Variants in PTBP2 observed in about 807,000 individuals in gnomAD.
The protein encoded by PTBP2 is polypyrimidine tract binding protein 2.
Under a neutral mutation model 61.4 loss-of-function variants are expected in PTBP2, and 13 were observed. That is an observed-to-expected ratio of 0.21 (90% CI 0.14 to 0.34). PTBP2 has a LOEUF of 0.34. PTBP2 is among the 10% of genes least tolerant of loss of function. The probability of loss-of-function intolerance (pLI) is 1.00; values close to 1 mark genes in which losing one functional copy is unlikely to be tolerated. For synonymous variants in PTBP2, 215 were observed against 218.5 expected, an observed-to-expected ratio of 0.98 and a Z score of 0.14; for missense variants, 405 against 642.6, an observed-to-expected ratio of 0.63 and a Z score of 4.00.
At chr1:96,774,679 G>T (rs1017349420) in intron 5 of PTBP2, among the ~76,000 whole-genome samples, 2 of 152,086 alleles carry the variant, frequency 1.3e-5, no homozygotes, top group Non-Finnish European at 2.9e-5. Context: ...TACTACGACA[G>T]TTCTCTTTAT....
intron 2 of PTBP2, among the ~76,000 whole-genome samples, chr1:96,748,565 G>C (rs1386106844): frequency 2.0e-5 from 3 of 152,068 alleles, no homozygotes; most frequent in African/African-American, 7.2e-5. Context: ...AAAAGTTTCT[G>C]TGGTCAGATT....
chr1:96,729,501 C>G (rs961634724), intron 2 of PTBP2, among the ~76,000 whole-genome samples: 2 of 152,094 alleles, frequency 1.3e-5, no homozygotes, highest in Non-Finnish European at 2.9e-5. Context: ...GGTGAGAACT[C>G]TAAAATTTCT....
downstream of PTBP2, chr1:96,817,602 A>G (rs1288881112): frequency 2.0e-5 from 3 of 152,234 alleles, no homozygotes; most frequent in East Asian, 3.9e-4. Flanking sequence ...ACTCAACTAT[A>G]TCACTACCTA....
intron 1 of PTBP2, 42 bp from the exon 2 acceptor site, chr1:96,723,519 TAGA>T: frequency 6.5e-7 from 1 of 1,537,984 alleles, no homozygotes; most frequent in Non-Finnish European, 8.9e-7. Context: ...AGTGAGTGAT[TAGA>T]AGAATAACAG....
At chr1:96,771,808 G>C (rs1315933512) in intron 5 of PTBP2, among the ~76,000 whole-genome samples, 1 of 152,050 alleles carries the variant, frequency 6.6e-6, no homozygotes, top group Non-Finnish European at 1.5e-5. Context: ...ATTATGGAAT[G>C]ATCAAATCTG....
intron 8 of PTBP2, among the ~76,000 whole-genome samples, chr1:96,803,011 A>G (rs1661176165): frequency 6.6e-6 from 1 of 152,310 alleles, no homozygotes; most frequent in African/African-American, 2.4e-5. Context: ...CCTAGGAATT[A>G]GGAATGTATA....
chr1:96,731,596 C>G (rs1454599392), intron 2 of PTBP2, among the ~76,000 whole-genome samples: 6 of 152,110 alleles, frequency 3.9e-5, no homozygotes, highest in Non-Finnish European at 4.4e-5. Flanking sequence ...GTTCCACAAA[C>G]TAGGTCTAAT....
At chr1:96,766,944 C>T (rs1656800339) in intron 3 of PTBP2, among the ~76,000 whole-genome samples, 1 of 152,092 alleles carries the variant, frequency 6.6e-6, no homozygotes, top group South Asian at 2.1e-4. Context: ...CCTGTCTATA[C>T]CACTTAGTAA....
At position 96,782,045 on chromosome 1, in the gene PTBP2, T is replaced by C. The variant is rs576774940; in HGVS notation, c.709-3014T>C. ...GTATAATAAGACATATAATGTAATC[T>C]CCTTTTCACCTGGGATTTAAAAATT... is the stretch of plus-strand genomic sequence containing the variant. On this transcript the variant is annotated intron_variant, in intron 7 of 13. Transcript: ENST00000674951. Among the ~76,000 whole-genome samples the C allele has an allele frequency of 3.3e-5, 5 of 152,116 alleles. No homozygotes were observed. The South Asian group carries it at 1.0e-3, about 32-fold the overall frequency.
chr1:96,772,879 G>A (rs1657539751), intron 5 of PTBP2, among the ~76,000 whole-genome samples: 1 of 151,638 alleles, frequency 6.6e-6, no homozygotes, highest in African/African-American at 2.4e-5. Context: ...TTGGGAGGCT[G>A]AGGCGGGTGG....
At chr1:96,806,830 C>A in intron 10 of PTBP2, 36 bp from the exon 11 acceptor site, 1 of 1,504,202 alleles carries the variant, frequency 6.6e-7, no homozygotes, top group Non-Finnish European at 9.2e-7. Flanking sequence ...AAAATTAATT[C>A]CATTTTTGGA....
intron 2 of PTBP2, among the ~76,000 whole-genome samples, chr1:96,739,357 A>T (rs1437577817): frequency 6.6e-6 from 1 of 152,158 alleles, no homozygotes; most frequent in Non-Finnish European, 1.5e-5. Context: ...TGTACACTTA[A>T]ATTGTTTAAT....
In PTBP2 at chr1:96,814,645, G is replaced by A. The variant is rs1013117816; in HGVS notation, c.*1240G>A. 4 of 152,480 alleles carry A rather than the reference G, an allele frequency of 2.6e-5. No individual in the cohort carries two copies. Among genetic ancestry groups the A allele is most frequent in the Non-Finnish European group, 5.9e-5 (4 of 67,970 alleles). The allele number at this position is 152,480 out of a possible 1,614,324, so 9.4% of individuals were successfully genotyped here. A position where few individuals can be genotyped will look rare whatever the true frequency, so the allele number is the denominator to read the frequency against. ...ATGACCAATACTTTTTGAAATTGAT[G>A]TACTTAGTTTCAAGATTCATAGATT... On this transcript the variant is annotated 3_prime_UTR_variant, in exon 14 of 14. Coordinates refer to ENST00000674951, the MANE Select transcript of PTBP2 (RefSeq NM_021190.4).
chr1:96,729,107 G>C (rs1165285359), intron 2 of PTBP2, among the ~76,000 whole-genome samples: 1 of 151,944 alleles, frequency 6.6e-6, no homozygotes, highest in Non-Finnish European at 1.5e-5. Context: ...ACTGCAACCT[G>C]CACCTCCTGG....
chr1:96,727,904 A>T (rs1399028086), intron 2 of PTBP2, among the ~76,000 whole-genome samples: 1 of 151,824 alleles, frequency 6.6e-6, no homozygotes, highest in Non-Finnish European at 1.5e-5. Flanking sequence ...TTTTTCTTTT[A>T]TGGATTGTAG....
At chr1:96,729,129 C>T (rs1651014842) in intron 2 of PTBP2, among the ~76,000 whole-genome samples, 1 of 152,098 alleles carries the variant, frequency 6.6e-6, no homozygotes, top group South Asian at 2.1e-4. Flanking sequence ...TCAAGCAATT[C>T]TCCTGCCTCA....
chr1:96,765,427 G>A (rs1195075311), intron 3 of PTBP2, among the ~76,000 whole-genome samples: 1 of 152,138 alleles, frequency 6.6e-6, no homozygotes, highest in African/African-American at 2.4e-5. Flanking sequence ...ATATGAGAAA[G>A]TAGGCCAGGT....
At position 96,801,829 on chromosome 1, in the gene PTBP2, C is replaced by T. The variant is rs560841451; in HGVS notation, c.905-2971C>T. Among the ~76,000 whole-genome samples, 10 of 149,334 alleles carry T rather than the reference C, an allele frequency of 6.7e-5. No homozygotes were observed. The South Asian group carries it at 1.7e-3, about 26-fold the overall frequency. ...TGAGCCAAAATCTCGCCATTACACT[C>T]CAGCCTGGGGGACAAGAGCAAGACT... On this transcript the variant is annotated intron_variant, in intron 8 of 13. Transcript: ENST00000674951.
chr1:96,760,787 A>G (rs1161280565), intron 3 of PTBP2, among the ~76,000 whole-genome samples: 1 of 152,110 alleles, frequency 6.6e-6, no homozygotes, highest in Non-Finnish European at 1.5e-5. Flanking sequence ...AACCTATTTT[A>G]TGGTCCATAA....
Sources: gnomAD v4.1 joint callset for allele counts (sites outside exome capture counted in the v4.1 genomes callset) on GRCh38, gnomAD v4.1.1 for gene constraint, MANE v1.5 for transcripts, NCBI Gene and HGNC (gene_info 2026-07-23, HGNC 2026-07-21) for gene names.